Variants in STK32A observed in about 807,000 individuals in gnomAD.
STK32A encodes the protein serine/threonine-protein kinase 32A.
A neutral mutation model predicts 53.2 loss-of-function variants in STK32A; 41 were observed. The observed-to-expected ratio is 0.77, with a 90% CI of 0.60 to 1.00. STK32A has a LOEUF of 1.00. Among genes scored for constraint, STK32A ranks in the 50% least tolerant of loss-of-function variants. STK32A has a pLI of 0.00. For missense variants in STK32A, 458 were observed against 485.8 expected, an observed-to-expected ratio of 0.94 and a Z score of 0.54; for synonymous variants, 166 against 162.8, an observed-to-expected ratio of 1.02 and a Z score of -0.15.
At chr5:147,262,009 C>T (rs1221749076) in intron 2 of STK32A, among the ~76,000 whole-genome samples, 3 of 152,044 alleles carry the variant, frequency 2.0e-5, no homozygotes, top group Non-Finnish European at 2.9e-5. Flanking sequence ...GAGGCATTTG[C>T]GAGGTTAAAT....
At chr5:147,270,440 C>G (rs1470768683) in intron 2 of STK32A, among the ~76,000 whole-genome samples, 2 of 152,070 alleles carry the variant, frequency 1.3e-5, no homozygotes, top group Admixed American at 6.6e-5. Flanking sequence ...TCTCTAACTC[C>G]TGGGCTCAAG....
At chr5:147,244,447 C>A (rs1183685341) in intron 2 of STK32A, among the ~76,000 whole-genome samples, 1 of 152,256 alleles carries the variant, frequency 6.6e-6, no homozygotes, top group Middle Eastern at 3.4e-3. Flanking sequence ...TCTGAGGAAC[C>A]ATCATACTGT....
At chr5:147,389,230 C>T (rs1757741871), downstream of STK32A, among the ~76,000 whole-genome samples, 4 of 152,226 alleles carry the variant, frequency 2.6e-5, no homozygotes, top group South Asian at 8.3e-4. Context: ...CCAACTTCCA[C>T]ATCACCAGGC....
rs139229792 is a variant in STK32A, at chr5:147,260,619, G to C, written c.53-17505G>C. Among the ~76,000 whole-genome samples the C allele has an allele frequency of 2.6e-3, 395 of 152,110 alleles. 8 individuals are homozygous for C. Among genetic ancestry groups the C allele is most frequent in the Non-Finnish European group, 3.7e-3 (254 of 68,012 alleles). On this transcript the variant is annotated intron_variant, in intron 2 of 12. Coordinates refer to ENST00000397936, the MANE Select transcript of STK32A (RefSeq NM_001112724.2). ...CTGGAAGGCTCAACCCCTCAAACCA[G>C]GGGGTGGCTTGCCTTGCTGGTCCCG...
chr5:147,364,103 T>G (rs962788781), intron 8 of STK32A, among the ~76,000 whole-genome samples: 4 of 150,508 alleles, frequency 2.7e-5, no homozygotes, highest in African/African-American at 9.8e-5. Flanking sequence ...TAATCCCAGC[T>G]ACTCAGGAGG....
At chr5:147,361,483 G>A (rs1340740801) in intron 7 of STK32A, 34 bp from the exon 8 acceptor site, 1 of 1,372,810 alleles carries the variant, frequency 7.3e-7, no homozygotes, top group Non-Finnish European at 1.0e-6. Flanking sequence ...ATGTCTCAGG[G>A]AATCAAACTG....
Position 147,375,191 on chromosome 5 carries a change from G to T in STK32A, c.1005G>T (p.Lys335Asn). ...AAAAGCGTCTGGCAAAGAAGGAGAA[G>T]GATATGAGGAAATGCGATTCTTCTC... ...KKKKRLAKKE[K>N]DMRKCDSSQT... The change falls in exon 11 of 13, where the codon AAG becomes AAT. Residue 335 changes from lysine (K) to asparagine (N), a missense_variant. By Grantham distance (94) the Lys-to-Asn change is moderately conservative. Coordinates refer to ENST00000397936, the MANE Select transcript of STK32A (RefSeq NM_001112724.2). 1 of 1,611,060 alleles carries T rather than the reference G, an allele frequency of 6.2e-7. No homozygotes were observed. The highest frequency in any genetic ancestry group is 2.2e-5 in the East Asian group (1 of 44,768).
intron 9 of STK32A, among the ~76,000 whole-genome samples, chr5:147,371,427 C>A (rs1238612592): frequency 6.6e-6 from 1 of 152,038 alleles, no homozygotes; most frequent in Non-Finnish European, 1.5e-5. Context: ...TGGCCTTTTT[C>A]TTCTTCTTTT....
intron 4 of STK32A, among the ~76,000 whole-genome samples, chr5:147,316,467 A>G (rs1753994245): frequency 6.6e-6 from 1 of 152,204 alleles, no homozygotes. Flanking sequence ...ACAAAACATG[A>G]TCTAACATGA....
intron 1 of STK32A, among the ~76,000 whole-genome samples, chr5:147,238,418 G>A (rs1753416628): frequency 6.6e-6 from 1 of 152,172 alleles, no homozygotes; most frequent in African/African-American, 2.4e-5. Flanking sequence ...TTCTAGAGGT[G>A]AGAGGTTACA....
chr5:147,289,068 G>T (rs764012635), intron 4 of STK32A, among the ~76,000 whole-genome samples: 1 of 152,044 alleles, frequency 6.6e-6, no homozygotes, highest in Non-Finnish European at 1.5e-5. Context: ...AATCTAAATG[G>T]TGCTTGGCCC....
At chr5:147,276,463 T>C (rs1755266406) in intron 2 of STK32A, among the ~76,000 whole-genome samples, 1 of 152,202 alleles carries the variant, frequency 6.6e-6, no homozygotes, top group Non-Finnish European at 1.5e-5. Context: ...GACTCACAGC[T>C]CAAAAACACT....
chr5:147,260,846 A>G (rs911545743), intron 2 of STK32A, among the ~76,000 whole-genome samples: 3 of 152,300 alleles, frequency 2.0e-5, no homozygotes, highest in Non-Finnish European at 4.4e-5. Context: ...GGATGTCACC[A>G]TCCACACAAA....
intron 4 of STK32A, among the ~76,000 whole-genome samples, chr5:147,320,044 AT>A (rs777566203): frequency 4.9e-4 from 75 of 151,688 alleles, no homozygotes; most frequent in Admixed American, 4.0e-3. Context: ...CATAAAAAAA[AT>A]CATAACGTTT....
intron 1 of STK32A, among the ~76,000 whole-genome samples, chr5:147,238,578 C>T (rs73793357): frequency 3.2e-3 from 482 of 152,202 alleles, no homozygotes; most frequent in African/African-American, 0.01. Context: ...AGCCTCAGAG[C>T]GGCTAACAGT....
chr5:147,252,652 CAAG>C (rs897791057), intron 2 of STK32A, among the ~76,000 whole-genome samples: 74 of 152,108 alleles, frequency 4.9e-4, no homozygotes, highest in Admixed American at 3.3e-3. Flanking sequence ...AAATAAAAAT[CAAG>C]AAGAAAGAAT....
chr5:147,346,309 C>T (rs1451562752), intron 6 of STK32A, among the ~76,000 whole-genome samples: 1 of 152,182 alleles, frequency 6.6e-6, no homozygotes, highest in African/African-American at 2.4e-5. Flanking sequence ...GCTTGGGCCT[C>T]ATGTGGAAAT....
chr5:147,348,855 A>G (rs1755818058), intron 6 of STK32A: 1 of 667,524 alleles, frequency 1.5e-6, no homozygotes, highest in Non-Finnish European at 2.8e-6. Context: ...TCCTGTAATC[A>G]TTCTTTCATT....
Position 147,386,086 on chromosome 5 carries a change from T to C in STK32A, c.*2103T>C, listed in dbSNP as rs1757634350. ...TTCGGGCAGAGCTGTGAAATAGTGC[T>C]TCTCTAATAGCAACCATATTATTGT... is the stretch of plus-strand genomic sequence containing the variant. On this transcript the variant is annotated 3_prime_UTR_variant, in exon 13 of 13. Coordinates refer to ENST00000397936, the MANE Select transcript of STK32A (RefSeq NM_001112724.2). 6.6e-6 allele frequency: 1 copy of C among 152,212 alleles called. No homozygotes were observed. Among genetic ancestry groups the C allele is most frequent in the East Asian group, 1.9e-4 (1 of 5,196 alleles). 9.4% of individuals were successfully genotyped at this position (152,212 alleles called of 1,614,324 possible). A position where few individuals can be genotyped will look rare whatever the true frequency, so the allele number is the denominator to read the frequency against.
Sources: gnomAD v4.1 joint callset for allele counts (sites outside exome capture counted in the v4.1 genomes callset) on GRCh38, gnomAD v4.1.1 for gene constraint, MANE v1.5 for transcripts, NCBI Gene and HGNC (gene_info 2026-07-23, HGNC 2026-07-21) for gene names.